Variants in HCN1 observed in about 807,000 individuals in gnomAD.
The protein encoded by HCN1 is potassium/sodium hyperpolarization-activated cyclic nucleotide-gated channel 1.
Under a neutral mutation model 78.9 loss-of-function variants are expected in HCN1, and 13 were observed. The ratio of observed to expected loss-of-function variants is 0.16; its 90% CI spans 0.11 to 0.26. The LOEUF is 0.26. Ranked by LOEUF, HCN1 falls within the 10% of genes least tolerant of loss-of-function variation. HCN1 has a pLI of 1.00. For missense variants in HCN1, 810 were observed against 1,154.3 expected, an observed-to-expected ratio of 0.70 and a Z score of 4.32; for synonymous variants, 552 against 455.5, an observed-to-expected ratio of 1.21 and a Z score of -2.70.
chr5:45,383,673 C>T (rs940061354), intron 4 of HCN1, among the ~76,000 whole-genome samples: 10 of 151,432 alleles, frequency 6.6e-5, no homozygotes, highest in Admixed American at 3.3e-4. Flanking sequence ...GAGCTGAGAT[C>T]GTGCTCACCA....
At chr5:45,517,841 T>C (rs1003981971) in intron 2 of HCN1, among the ~76,000 whole-genome samples, 2 of 152,028 alleles carry the variant, frequency 1.3e-5, no homozygotes, top group African/African-American at 4.8e-5. Context: ...TGAAATGATG[T>C]TGTCCCCATA....
At chr5:45,601,646 C>T (rs370445605) in intron 2 of HCN1, among the ~76,000 whole-genome samples, 8 of 152,102 alleles carry the variant, frequency 5.3e-5, no homozygotes, top group East Asian at 1.9e-4. Flanking sequence ...CCTTTAGAAA[C>T]GCTGTCTGAG....
chr5:45,523,331 G>C (rs1183925317), intron 2 of HCN1, among the ~76,000 whole-genome samples: 1 of 152,040 alleles, frequency 6.6e-6, no homozygotes, highest in African/African-American at 2.4e-5. Context: ...GTGTGCATGT[G>C]TCTTTATAGC....
intron 2 of HCN1, among the ~76,000 whole-genome samples, chr5:45,463,234 A>C (rs920013914): frequency 6.6e-6 from 1 of 151,986 alleles, no homozygotes; most frequent in African/African-American, 2.4e-5. Flanking sequence ...AAATACACAC[A>C]CTGAAGTACT....
intron 4 of HCN1, among the ~76,000 whole-genome samples, chr5:45,379,307 C>A (rs982199290): frequency 6.6e-6 from 1 of 151,994 alleles, no homozygotes; most frequent in Non-Finnish European, 1.5e-5. Context: ...TTTTAATGAG[C>A]TCTTTTCTAT....
chr5:45,526,209 A>G (rs1232092692), intron 2 of HCN1, among the ~76,000 whole-genome samples: 1 of 152,132 alleles, frequency 6.6e-6, no homozygotes, highest in East Asian at 1.9e-4. Flanking sequence ...TTACTATAAA[A>G]TAGCAGATTC....
chr5:45,449,270 A>G (rs1444269771), intron 3 of HCN1, among the ~76,000 whole-genome samples: 1 of 152,222 alleles, frequency 6.6e-6, no homozygotes, highest in East Asian at 1.9e-4. Context: ...GAGAACCAGT[A>G]GAGGAATCTA....
At chr5:45,382,064 G>T (rs1243672484) in intron 4 of HCN1, among the ~76,000 whole-genome samples, 1 of 152,096 alleles carries the variant, frequency 6.6e-6, no homozygotes. Context: ...CATCTCAGCG[G>T]CTGTGTACTT....
At chr5:45,531,797 T>C (rs1742857680) in intron 2 of HCN1, among the ~76,000 whole-genome samples, 1 of 152,152 alleles carries the variant, frequency 6.6e-6, no homozygotes, top group Non-Finnish European at 1.5e-5. Flanking sequence ...CCAAGCACTT[T>C]GGGAGGCCAA....
At chr5:45,459,984 G>A (rs527759200) in intron 3 of HCN1, among the ~76,000 whole-genome samples, 6 of 152,148 alleles carry the variant, frequency 3.9e-5, no homozygotes, top group African/African-American at 1.4e-4. Flanking sequence ...TGAAAAATGA[G>A]CCAACCAAAC....
intron 5 of HCN1, among the ~76,000 whole-genome samples, chr5:45,312,215 AC>A (rs1745863979): frequency 6.6e-6 from 1 of 152,212 alleles, no homozygotes; most frequent in Non-Finnish European, 1.5e-5. Flanking sequence ...CATTTGGCAA[AC>A]GGTAACCCTG....
intron 6 of HCN1, among the ~76,000 whole-genome samples, chr5:45,284,298 A>T (rs1381288885): frequency 1.3e-5 from 2 of 152,124 alleles, no homozygotes; most frequent in Non-Finnish European, 2.9e-5. Flanking sequence ...AAAGTTAAAA[A>T]AATTGGCGCT....
intron 2 of HCN1, among the ~76,000 whole-genome samples, chr5:45,567,504 G>A (rs140017488): frequency 1.3e-5 from 2 of 150,458 alleles, no homozygotes; most frequent in African/African-American, 4.9e-5. Context: ...AAATCTTAAA[G>A]ATTAACACAG....
At chr5:45,613,654 C>T (rs1047014120) in intron 2 of HCN1, among the ~76,000 whole-genome samples, 4 of 151,984 alleles carry the variant, frequency 2.6e-5, no homozygotes, top group African/African-American at 9.7e-5. Flanking sequence ...GCTATAAAGA[C>T]ACATGCACAC....
chr5:45,375,154 T>TAC (rs1747583329), intron 4 of HCN1, among the ~76,000 whole-genome samples: 2 of 121,754 alleles, frequency 1.6e-5, no homozygotes, highest in Non-Finnish European at 3.2e-5. Flanking sequence ...TATAATGTAT[T>TAC]ATATATAATA....
intron 6 of HCN1, among the ~76,000 whole-genome samples, chr5:45,299,775 G>A (rs567818399): frequency 7.8e-4 from 118 of 151,862 alleles, no homozygotes; most frequent in Non-Finnish European, 9.3e-4. Flanking sequence ...CTAAAACAGC[G>A]AATACTTTTT....
chr5:45,264,528 G>A (rs1338037906), intron 7 of HCN1, among the ~76,000 whole-genome samples: 3 of 152,074 alleles, frequency 2.0e-5, no homozygotes, highest in African/African-American at 7.2e-5. Flanking sequence ...TGACTGCTAG[G>A]AATGCAATCA....
In HCN1 at chr5:45,399,036, T is replaced by C. The variant is rs142208807; in HGVS notation, c.1012-2326A>G. Among the ~76,000 whole-genome samples the C allele has an allele frequency of 5.9e-3, 904 of 152,304 alleles. 13 individuals are homozygous for C. Among genetic ancestry groups the C allele is most frequent in the African/African-American group, 0.019 (794 of 41,572 alleles). ...ATTGTCTTGGAATTTAGGTGGGAGATTTAATATCTGTTTAGATACTACAGG... is the reference window on the plus strand; with the variant it reads ...ATTGTCTTGGAATTTAGGTGGGAGACTTAATATCTGTTTAGATACTACAGG... On this transcript the variant is annotated intron_variant, in intron 3 of 7. Transcript: ENST00000303230.
intron 2 of HCN1, among the ~76,000 whole-genome samples, chr5:45,534,714 C>G (rs889487101): frequency 6.6e-6 from 1 of 151,292 alleles, no homozygotes; most frequent in Non-Finnish European, 1.5e-5. Flanking sequence ...ATTTGTTAAG[C>G]GAAACTGGTT....
Sources: gnomAD v4.1 joint callset for allele counts (sites outside exome capture counted in the v4.1 genomes callset) on GRCh38, gnomAD v4.1.1 for gene constraint, MANE v1.5 for transcripts, NCBI Gene and HGNC (gene_info 2026-07-23, HGNC 2026-07-21) for gene names.